PRKG1: variants seen among roughly 807,000 people sequenced by gnomAD.
PRKG1 encodes protein kinase cGMP-dependent 1.
A neutral mutation model predicts 88.1 loss-of-function variants in PRKG1; 35 were observed. The ratio of observed to expected loss-of-function variants is 0.40; its 90% CI spans 0.30 to 0.53. The LOEUF is 0.53. PRKG1 is among the 20% of genes least tolerant of loss of function. PRKG1 has a pLI of 0.59. For synonymous variants in PRKG1, 303 were observed against 292.5 expected (o/e 1.04, Z -0.37); for missense variants, 540 against 839.8 (o/e 0.64, Z 4.41).
At chr10:51,370,892 C>CA (rs1451592974) in intron 2 of PRKG1, among the ~76,000 whole-genome samples, 1 of 151,930 alleles carries the variant, frequency 6.6e-6, no homozygotes, top group African/African-American at 2.4e-5. Flanking sequence ...CTGTAATGGA[C>CA]AGTGTAGTTA....
chr10:51,055,049 C>A (rs1843610250), intron 1 of PRKG1, among the ~76,000 whole-genome samples: 1 of 152,050 alleles, frequency 6.6e-6, no homozygotes, highest in Admixed American at 6.5e-5. Flanking sequence ...CCCCTGTATC[C>A]CTGACCATAT....
intron 2 of PRKG1, among the ~76,000 whole-genome samples, chr10:51,376,490 G>GA (rs932967921): frequency 3.9e-5 from 6 of 151,988 alleles, no homozygotes; most frequent in Admixed American, 6.6e-5. Context: ...GTTTGCTATT[G>GA]AAAAAAATTG....
chr10:52,257,787 C>A (rs187103742), intron 10 of PRKG1, among the ~76,000 whole-genome samples: 1 of 139,486 alleles, frequency 7.2e-6, no homozygotes, highest in African/African-American at 2.5e-5. Context: ...TAATAAATAG[C>A]ACTCATTTCT....
chr10:51,675,364 G>T (rs1332778597), intron 3 of PRKG1, among the ~76,000 whole-genome samples: 3 of 152,160 alleles, frequency 2.0e-5, no homozygotes, highest in Non-Finnish European at 4.4e-5. Context: ...ATCATGTCTT[G>T]CTGACCTTGT....
chr10:51,213,764 G>A (rs1008624025), intron 2 of PRKG1, among the ~76,000 whole-genome samples: 1 of 152,240 alleles, frequency 6.6e-6, no homozygotes, highest in East Asian at 1.9e-4. Context: ...TGAAGTGTGT[G>A]GGTGTGTGTG....
chr10:51,643,437 T>G (rs1291491532), intron 3 of PRKG1, among the ~76,000 whole-genome samples: 1 of 152,206 alleles, frequency 6.6e-6, no homozygotes, highest in African/African-American at 2.4e-5. Flanking sequence ...TAATTAGATA[T>G]TAAAAATTTT....
At chr10:52,200,459 T>C (rs372470446) in intron 9 of PRKG1, among the ~76,000 whole-genome samples, 2 of 152,342 alleles carry the variant, frequency 1.3e-5, no homozygotes, top group African/African-American at 4.8e-5. Flanking sequence ...CAGTTTACCA[T>C]TGACAGGCAT....
At position 51,478,166 on chromosome 10, in the gene PRKG1, C is replaced by T. The variant is rs889412803; in HGVS notation, c.592+10330C>T. 2.2e-4 allele frequency among the ~76,000 whole-genome samples: 34 copies of T among 152,098 alleles called. 2 individuals are homozygous for T. The Middle Eastern group carries it at 0.027, about 122-fold the overall frequency. Reference sequence around the variant, plus strand: ...CTGTGTGTACACAGACCTGAGGAGGCGCCAAGTATATCAAGGCTTTGGACA... The same window carrying T: ...CTGTGTGTACACAGACCTGAGGAGGTGCCAAGTATATCAAGGCTTTGGACA... On this transcript the variant is annotated intron_variant, in intron 3 of 17. Coordinates refer to ENST00000373980, the MANE Select transcript of PRKG1 (RefSeq NM_006258.4).
intron 3 of PRKG1, among the ~76,000 whole-genome samples, chr10:51,554,200 G>A (rs193173468): frequency 7.7e-5 from 11 of 143,680 alleles, no homozygotes; most frequent in South Asian, 2.1e-4. Context: ...ATATATGTGC[G>A]TATGTGATAT....
chr10:51,970,765 T>G lies in PRKG1; in HGVS notation c.762+63195T>G, dbSNP rs11000332. On this transcript the variant is annotated intron_variant, in intron 5 of 17. Coordinates refer to ENST00000373980, the MANE Select transcript of PRKG1 (RefSeq NM_006258.4). ...TATATATATATCAGATATATCAGAT[T>G]ATATATATATATCAGATATATCAGA... 9.5e-3 allele frequency among the ~76,000 whole-genome samples: 1,311 copies of G among 138,290 alleles called. 18 individuals are homozygous for G. Among genetic ancestry groups the G allele is most frequent in the Admixed American group, 0.024 (313 of 13,282 alleles). 90.7% of individuals were successfully genotyped at this position (138,290 alleles called of 152,430 possible).
intron 8 of PRKG1, among the ~76,000 whole-genome samples, chr10:52,148,957 C>CTTTTTTTTTTTTTTTTT (rs71904885): frequency 3.6e-5 from 2 of 55,160 alleles, no homozygotes; most frequent in South Asian, 8.2e-4. Flanking sequence ...GATAGTTTTG[C>CTTTTTTTTTTTTTTTTT]TTTTTTTTTT....
chr10:51,745,696 T>C (rs561144195), intron 3 of PRKG1, among the ~76,000 whole-genome samples: 1 of 152,164 alleles, frequency 6.6e-6, no homozygotes, highest in Admixed American at 6.5e-5. Flanking sequence ...GTTAATGATA[T>C]TGTCATTTTT....
At chr10:52,162,658 C>A (rs1171252164) in intron 9 of PRKG1, among the ~76,000 whole-genome samples, 1 of 151,838 alleles carries the variant, frequency 6.6e-6, no homozygotes, top group Non-Finnish European at 1.5e-5. Flanking sequence ...TAGTTCAGGG[C>A]CAGAATTTGA....
chr10:51,628,012 T>TC (rs1564579881), intron 3 of PRKG1, among the ~76,000 whole-genome samples: 17 of 45,822 alleles, frequency 3.7e-4, no homozygotes, highest in Middle Eastern at 0.012. Context: ...CTCTCTCTCT[T>TC]TCTTTCTTTC....
chr10:51,439,282 A>G (rs901399198), intron 2 of PRKG1, among the ~76,000 whole-genome samples: 22 of 151,808 alleles, frequency 1.4e-4, no homozygotes, highest in Admixed American at 9.2e-4. Flanking sequence ...TCTTCATCAG[A>G]TTTGGATAAT....
chr10:51,960,773 A>T (rs944865096), intron 5 of PRKG1, among the ~76,000 whole-genome samples: 3 of 152,164 alleles, frequency 2.0e-5, no homozygotes, highest in African/African-American at 7.2e-5. Flanking sequence ...TGTCATTTAG[A>T]AGAACTCCAA....
chr10:51,058,875 A>G (rs1028474288), intron 1 of PRKG1, among the ~76,000 whole-genome samples: 1 of 152,194 alleles, frequency 6.6e-6, no homozygotes, highest in African/African-American at 2.4e-5. Flanking sequence ...TACTTGATGT[A>G]TGAGTATTTA....
intron 2 of PRKG1, among the ~76,000 whole-genome samples, chr10:51,314,633 A>T (rs1841274969): frequency 6.6e-6 from 1 of 152,208 alleles, no homozygotes; most frequent in Non-Finnish European, 1.5e-5. Flanking sequence ...TGCTTAGGAA[A>T]CTTGGATAAC....
At chr10:51,162,082 G>T (rs1200625655) in intron 2 of PRKG1, among the ~76,000 whole-genome samples, 1 of 152,124 alleles carries the variant, frequency 6.6e-6, no homozygotes, top group East Asian at 1.9e-4. Flanking sequence ...TCTTTGTGGA[G>T]CTGGATAGAC....
Sources: gnomAD v4.1 joint callset for allele counts (sites outside exome capture counted in the v4.1 genomes callset) on GRCh38, gnomAD v4.1.1 for gene constraint, MANE v1.5 for transcripts, NCBI Gene and HGNC (gene_info 2026-07-23, HGNC 2026-07-21) for gene names.